NSD3: variants seen among roughly 807,000 people sequenced by gnomAD.
NSD3 encodes the protein histone-lysine N-methyltransferase NSD3.
In NSD3, 24 loss-of-function variants were observed where a neutral mutation model predicts 160.8. The ratio of observed to expected loss-of-function variants is 0.15; its 90% confidence interval spans 0.11 to 0.21. The LOEUF (loss-of-function observed/expected upper bound fraction) is 0.21, where lower values mean the gene tolerates loss of function less well. Among genes scored for constraint, NSD3 ranks in the 10% least tolerant of loss-of-function variants. NSD3 has a pLI of 1.00. For synonymous variants in NSD3, 520 were observed against 600.0 expected (o/e 0.87, Z 1.95); for missense variants, 1,157 against 1,735.9 (o/e 0.67, Z 5.93).
chr8:38,275,952 A>G, intron 23 of NSD3, 70 bp from the exon 24 acceptor site: 2 of 1,380,364 alleles, frequency 1.4e-6, no homozygotes, highest in South Asian at 2.6e-5. Flanking sequence ...TACCCATGAA[A>G]AACCCAGGTT....
chr8:38,331,526 C>G lies in NSD3; in HGVS notation c.970G>C (p.Glu324Gln). Residue 324 changes from glutamate (E) to glutamine (Q), a missense_variant, in exon 5 of 24, where the codon GAA becomes CAA. This residue lies in a region of NSD3 where 168 missense variants were observed against 208.1 expected (regional missense o/e 0.81). Transcript: ENST00000317025. ...CCTTTATACTCTCGTACCCGTTTTT[C>G]ATGAACCCACGCCCTCTCTGGCTGG... Reference protein sequence around the residue: ...SNQPERAWVHEKRVREYKGHK... With the variant: ...SNQPERAWVHQKRVREYKGHK... 1 of 1,613,808 alleles carries G rather than the reference C, an allele frequency of 6.2e-7. No individual in the cohort carries two copies. Among genetic ancestry groups the G allele is most frequent in the Non-Finnish European group, 8.5e-7 (1 of 1,179,846 alleles).
chr8:38,318,909 G>A lies in NSD3; in HGVS notation c.1841C>T (p.Thr614Ile). 1.9e-6 allele frequency: 3 copies of A among 1,611,064 alleles called. No homozygotes were observed. Among genetic ancestry groups the A allele is most frequent in the Non-Finnish European group, 2.5e-6 (3 of 1,179,050 alleles). The change falls in exon 9 of 24, where the codon ACT (threonine) becomes ATT (isoleucine). Residue 614 changes from threonine to isoleucine, a missense_variant. Thr to Ile is a moderately conservative substitution (Grantham distance 89). Transcript: ENST00000317025. The surrounding 1 kb of genome is among the most constrained non-coding windows in gnomAD (Gnocchi z 5.3). Reference sequence around the variant, plus strand: ...TATTAACTCACCTTTCTGTAATCCAGTCTTCACTGTAGCCTGAGGAACTGT... The same window carrying A: ...TATTAACTCACCTTTCTGTAATCCAATCTTCACTGTAGCCTGAGGAACTGT... ...VETVPQATVKTGLQKGASEIS... is the reference protein window; with the variant it reads ...VETVPQATVKIGLQKGASEIS...
chr8:38,377,100 T>C (rs988886191), intron 1 of NSD3, among the ~76,000 whole-genome samples: 4 of 152,224 alleles, frequency 2.6e-5, no homozygotes, highest in Admixed American at 2.0e-4. Context: ...CCTACCAGAC[T>C]GGAGCGCAGT....
chr8:38,349,697 T>TA (rs1585912859), intron 1 of NSD3, among the ~76,000 whole-genome samples: 7 of 89,876 alleles, frequency 7.8e-5, no homozygotes, highest in South Asian at 3.7e-4. Context: ...ATATATGTAT[T>TA]TATTATACTT....
At chr8:38,347,469 A>C (rs376372438) in intron 2 of NSD3, 28 bp downstream of exon 2, 2 of 1,538,732 alleles carry the variant, frequency 1.3e-6, no homozygotes, top group Non-Finnish European at 8.7e-7. Context: ...AATATAACAA[A>C]ATTTTTCAAA....
chr8:38,300,840 G>A (rs957928834), intron 14 of NSD3, among the ~76,000 whole-genome samples: 8 of 152,158 alleles, frequency 5.3e-5, no homozygotes, highest in Admixed American at 2.6e-4. Flanking sequence ...CATTTTGAAG[G>A]GGAGGGAAAT....
intron 18 of NSD3, among the ~76,000 whole-genome samples, chr8:38,289,155 T>C (rs1489940572): frequency 2.0e-5 from 3 of 152,222 alleles, no homozygotes; most frequent in Non-Finnish European, 2.9e-5. Flanking sequence ...AGAGGACTTA[T>C]CAAAGACCTA....
At chr8:38,283,028 A>G (rs1160517519) in intron 19 of NSD3, among the ~76,000 whole-genome samples, 1 of 152,188 alleles carries the variant, frequency 6.6e-6, no homozygotes, top group Non-Finnish European at 1.5e-5. Flanking sequence ...TTTCCTTATT[A>G]AGGAAACTGC....
Position 38,275,775 on chromosome 8 carries a change from G to A in NSD3, c.4180C>T (p.Leu1394=). ...SFCKDHEKGA[L]VPSALEGRLC... ...CGGCCTTCCAGTGCAGAGGGAACCA[G>A]GGCCCCCTTTTCATGATCTTTACAA... Residue 1394 remains leucine (L), a synonymous_variant, in exon 24 of 24, where the codon CTG becomes TTG. Transcript: ENST00000317025. The A allele has an allele frequency of 6.2e-7, 1 of 1,614,170 alleles. No homozygotes were observed. The highest frequency in any genetic ancestry group is 1.1e-5 in the South Asian group (1 of 91,084).
At chr8:38,328,980 T>C (rs1471442330) in intron 6 of NSD3, among the ~76,000 whole-genome samples, 2 of 152,212 alleles carry the variant, frequency 1.3e-5, no homozygotes, top group African/African-American at 4.8e-5. Flanking sequence ...GTACAATTAT[T>C]ACAGTGGTTT....
In NSD3 at chr8:38,334,735, G is replaced by A. The variant is rs1810167138; in HGVS notation, c.910+2570C>T. On this transcript the variant is annotated intron_variant, in intron 4 of 23. Transcript: ENST00000317025. ...AGATCGTGCTACTGCACTACAGCCTGGGCAACAATCCATCTCAAAAACAAA... is the reference window on the plus strand; with the variant it reads ...AGATCGTGCTACTGCACTACAGCCTAGGCAACAATCCATCTCAAAAACAAA... Among the ~76,000 whole-genome samples the A allele has an allele frequency of 4.6e-5, 7 of 151,320 alleles. 1 individual carries two copies. The highest frequency in any genetic ancestry group is 1.3e-4 in the Admixed American group (2 of 15,182).
At chr8:38,308,379 C>T (rs1010762672) in intron 12 of NSD3, among the ~76,000 whole-genome samples, 2 of 151,782 alleles carry the variant, frequency 1.3e-5, no homozygotes, top group African/African-American at 2.4e-5. Context: ...CAATAAAGTA[C>T]ATTTTACCAT....
chr8:38,355,800 TA>T (rs1382261533), intron 1 of NSD3, among the ~76,000 whole-genome samples: 3 of 152,234 alleles, frequency 2.0e-5, no homozygotes, highest in Non-Finnish European at 2.9e-5. Flanking sequence ...AATACTATTC[TA>T]AACATTTTAC....
intron 14 of NSD3, among the ~76,000 whole-genome samples, chr8:38,304,157 C>A (rs1809341121): frequency 6.6e-6 from 1 of 152,160 alleles, no homozygotes; most frequent in Admixed American, 6.5e-5. Flanking sequence ...ACAGCATAAA[C>A]AACTGAAAAA....
intron 14 of NSD3, chr8:38,303,162 T>TTTATGTTA (rs1491146703): frequency 2.9e-5 from 26 of 911,786 alleles, no homozygotes; most frequent in Non-Finnish European, 3.4e-5. Context: ...AATAAGAGAC[T>TTTATGTTA]TTATGTTATC....
chr8:38,337,336 C>G lies in NSD3; in HGVS notation c.879G>C (p.Gln293His). 13 of 1,608,582 alleles carry G rather than the reference C, an allele frequency of 8.1e-6. No homozygotes were observed. Among genetic ancestry groups the G allele is most frequent in the Non-Finnish European group, 1.1e-5 (13 of 1,178,320 alleles). ...TGTTAATTTTAGTATGAACCTCAAG[C>G]TGGGGATCACTTGAAACCATACAAG... ...WWPCMVSSDP[Q>H]LEVHTKINTR... Residue 293 changes from glutamine to histidine, a missense_variant, in exon 4 of 24, where the codon CAG becomes CAC. Around this residue, in one of 10 missense-constraint regions of NSD3, gnomAD observed 99 missense variants for 151.8 expected, o/e 0.65. Transcript: ENST00000317025.
chr8:38,315,767 G>A, intron 10 of NSD3, 145 bp downstream of exon 10: 3 of 1,312,548 alleles, frequency 2.3e-6, no homozygotes, highest in South Asian at 1.5e-5. Flanking sequence ...TATAACATGA[G>A]AGCAAAAGAA....
intron 16 of NSD3, among the ~76,000 whole-genome samples, chr8:38,292,657 C>T (rs996480491): frequency 6.6e-6 from 1 of 151,938 alleles, no homozygotes; most frequent in African/African-American, 2.4e-5. Flanking sequence ...GGTGTGGTGT[C>T]GGGTGCCTGG....
chr8:38,307,305 ATC>A (rs1809432301), intron 12 of NSD3, among the ~76,000 whole-genome samples: 1 of 151,982 alleles, frequency 6.6e-6, no homozygotes, highest in Non-Finnish European at 1.5e-5. Flanking sequence ...GTGCCCCAGA[ATC>A]CAGAGTAATT....
Sources: gnomAD v4.1 joint callset for allele counts (sites outside exome capture counted in the v4.1 genomes callset) on GRCh38, gnomAD v4.1.1 for gene constraint, gnomAD v4.1.1 regional missense constraint, Gnocchi (gnomAD v3.1) non-coding constraint, MANE v1.5 for transcripts, NCBI Gene and HGNC (gene_info 2026-07-23, HGNC 2026-07-21) for gene names.